Variants in GPR158 observed in about 807,000 individuals in gnomAD.
GPR158 encodes G protein-coupled receptor 158, also known as metabotropic glycine receptor.
A neutral mutation model predicts 78.2 loss-of-function variants in GPR158; 30 were observed. That is an observed-to-expected ratio of 0.38 (90% CI 0.29 to 0.52). The LOEUF (loss-of-function observed/expected upper bound fraction) is 0.52, where lower values mean the gene tolerates loss of function less well. GPR158 is among the 20% of genes least tolerant of loss of function. The pLI, the probability that GPR158 is intolerant of heterozygous loss-of-function variation, is 0.83. For missense variants in GPR158, 1,463 were observed against 1,523.5 expected (o/e 0.96, Z 0.66); for synonymous variants, 581 against 591.1 (o/e 0.98, Z 0.25).
intron 2 of GPR158, among the ~76,000 whole-genome samples, chr10:25,328,182 A>C (rs537589549): frequency 1.4e-5 from 2 of 143,304 alleles, no homozygotes; most frequent in South Asian, 2.2e-4. Flanking sequence ...AGAAATACAT[A>C]GATATATATA....
intron 4 of GPR158, among the ~76,000 whole-genome samples, chr10:25,444,441 T>A (rs1474518517): frequency 1.3e-5 from 2 of 150,948 alleles, no homozygotes; most frequent in African/African-American, 4.9e-5. Context: ...GTATGTGGTG[T>A]TTGAGTGTGA....
intron 2 of GPR158, among the ~76,000 whole-genome samples, chr10:25,368,541 T>C (rs1833934599): frequency 1.3e-5 from 2 of 151,802 alleles, no homozygotes; most frequent in Admixed American, 6.6e-5. Flanking sequence ...TGAGATACCA[T>C]CTGAACCAGT....
chr10:25,175,477 G>T lies in GPR158; in HGVS notation c.57G>T (p.Leu19Phe). 6.2e-7 allele frequency: 1 copy of T among 1,610,086 alleles called. No individual in the cohort carries two copies. Among genetic ancestry groups the T allele is most frequent in the South Asian group, 1.1e-5 (1 of 90,694 alleles). The stretch of plus-strand genomic sequence containing the variant: ...GCCTCCTGCTTGCTCAGCTGGGATT[G>T]GGAGCTGTTGGCGCCAGCCGCGACC... Reference protein sequence around the residue: ...LLCLLLAQLGLGAVGASRDPQ... With the variant: ...LLCLLLAQLGFGAVGASRDPQ... Residue 19 changes from leucine to phenylalanine, a missense_variant, in exon 1 of 11, where the codon TTG becomes TTT. By Grantham distance (22) the Leu-to-Phe change is conservative. Transcript: ENST00000376351. This position sits in a 1 kb window ranked among gnomAD's most constrained non-coding sequence, Gnocchi z 6.4.
intron 2 of GPR158, among the ~76,000 whole-genome samples, chr10:25,317,134 TC>T (rs1387953820): frequency 1.3e-5 from 2 of 151,928 alleles, no homozygotes; most frequent in Non-Finnish European, 2.9e-5. Context: ...AACCTCCACC[TC>T]CTGGGTTCAA....
intron 2 of GPR158, among the ~76,000 whole-genome samples, chr10:25,224,610 A>G (rs1213895358): frequency 6.6e-6 from 1 of 152,078 alleles, no homozygotes; most frequent in African/African-American, 2.4e-5. Context: ...TTAGTTTAAT[A>G]CTTAGTAATG....
Position 25,176,389 on chromosome 10 carries a change from T to C in GPR158, c.902+67T>C, listed in dbSNP as rs552041617. 2.9e-5 allele frequency: 36 copies of C among 1,250,600 alleles called. No homozygotes were observed. In the East Asian group the frequency reaches 8.1e-4, roughly 28 times the overall value. The allele number at this position is 1,250,600 out of a possible 1,614,324, so 77.5% of individuals were successfully genotyped here. On this transcript the variant is annotated intron_variant, in intron 1 of 10. Coordinates refer to ENST00000376351, the MANE Select transcript of GPR158 (RefSeq NM_020752.3). This position sits in a 1 kb window ranked among gnomAD's most constrained non-coding sequence, Gnocchi z 6.3. Reference sequence around the variant, plus strand: ...CTTTCCTTCCGGTCTTGTGGGTGGGTGCACGTGTGAGGAAGGAACCCTTGG... The same window carrying C: ...CTTTCCTTCCGGTCTTGTGGGTGGGCGCACGTGTGAGGAAGGAACCCTTGG...
chr10:25,535,550 TG>T (rs1259856872), intron 5 of GPR158, among the ~76,000 whole-genome samples: 31 of 152,214 alleles, frequency 2.0e-4, no homozygotes, highest in African/African-American at 7.2e-4. Context: ...ACCTGAGTAA[TG>T]GCTTGATTAC....
chr10:25,278,891 A>G (rs1854225135), intron 2 of GPR158, among the ~76,000 whole-genome samples: 1 of 151,940 alleles, frequency 6.6e-6, no homozygotes, highest in South Asian at 2.1e-4. Flanking sequence ...CTTCATAAAG[A>G]TAATAGAATA....
intron 2 of GPR158, among the ~76,000 whole-genome samples, chr10:25,230,952 C>T (rs757473465): frequency 1.3e-5 from 2 of 152,188 alleles, no homozygotes; most frequent in Middle Eastern, 3.4e-3. Context: ...GACTAGATAC[C>T]TCTAAATTTT....
intron 2 of GPR158, among the ~76,000 whole-genome samples, chr10:25,252,971 G>T (rs546213152): frequency 1.3e-5 from 2 of 152,070 alleles, no homozygotes; most frequent in African/African-American, 4.8e-5. Context: ...GCGAGATTCC[G>T]TGGGCGTAGG....
chr10:25,363,065 AG>A lies in GPR158; in HGVS notation c.1009-32844del, dbSNP rs1159725697. Among the ~76,000 whole-genome samples, 4 of 151,854 alleles carry A rather than the reference AG, an allele frequency of 2.6e-5. No individual in the cohort carries two copies. In the East Asian group the frequency reaches 7.8e-4, roughly 30 times the overall value. ...CCATTTGATTGTAGTCTCTTTAAGC[AG>A]GTTCTGAAAATTGATATCAAGAATC... On this transcript the variant is annotated intron_variant, in intron 2 of 10. Coordinates refer to ENST00000376351, the MANE Select transcript of GPR158 (RefSeq NM_020752.3).
At chr10:25,275,040 T>C (rs1663777416) in intron 2 of GPR158, among the ~76,000 whole-genome samples, 1 of 152,220 alleles carries the variant, frequency 6.6e-6, no homozygotes, top group Admixed American at 6.5e-5. Context: ...TATGCTACTT[T>C]TCATGATATT....
At chr10:25,457,751 G>T (rs1457968733) in intron 4 of GPR158, among the ~76,000 whole-genome samples, 1 of 152,096 alleles carries the variant, frequency 6.6e-6, no homozygotes, top group Non-Finnish European at 1.5e-5. Flanking sequence ...CTAAGTGAAG[G>T]GTATCCAAAA....
chr10:25,519,635 C>G (rs1212512580), intron 5 of GPR158, among the ~76,000 whole-genome samples: 10 of 143,664 alleles, frequency 7.0e-5, no homozygotes, highest in Non-Finnish European at 1.3e-4. Context: ...ACTTACGAAG[C>G]TTAGCTTGGC....
chr10:25,366,011 TTGAG>T (rs1198946556), intron 2 of GPR158, among the ~76,000 whole-genome samples: 4 of 151,742 alleles, frequency 2.6e-5, no homozygotes, highest in Admixed American at 2.6e-4. Flanking sequence ...TTGTTCAACA[TTGAG>T]TGATTAAAAG....
At position 25,371,983 on chromosome 10, in the gene GPR158, C is replaced by A. The variant is rs186615573; in HGVS notation, c.1009-23928C>A. Among the ~76,000 whole-genome samples, 141 of 151,610 alleles carry A rather than the reference C, an allele frequency of 9.3e-4. 1 individual carries two copies. Among genetic ancestry groups the A allele is most frequent in the Middle Eastern group, 6.8e-3 (2 of 294 alleles). On this transcript the variant is annotated intron_variant, in intron 2 of 10. Coordinates refer to ENST00000376351, the MANE Select transcript of GPR158 (RefSeq NM_020752.3). ...CTGACAAAGGGCTAATATCCAGAAT[C>A]TGCAATGAACTCAAATAAATTTACA...
intron 5 of GPR158, among the ~76,000 whole-genome samples, chr10:25,476,993 C>T (rs1365016566): frequency 6.6e-6 from 1 of 152,078 alleles, no homozygotes; most frequent in East Asian, 1.9e-4. Flanking sequence ...ATAAAAAAGG[C>T]AATTTTATGT....
rs1852535392 is a variant in GPR158, at chr10:25,176,471, A to G, written c.902+149A>G. ...AGAGACCCGGGCTGAGGGACACCCC[A>G]CGCGGGCGCGGGTGCTTGGGGGCAA... On this transcript the variant is annotated intron_variant, in intron 1 of 10. Coordinates refer to ENST00000376351, the MANE Select transcript of GPR158 (RefSeq NM_020752.3). This position sits in a 1 kb window ranked among gnomAD's most constrained non-coding sequence, Gnocchi z 6.3. The G allele has an allele frequency of 5.9e-6, 4 of 677,390 alleles. No homozygotes were observed. Among genetic ancestry groups the G allele is most frequent in the Non-Finnish European group, 9.4e-6 (4 of 426,124 alleles). 42.0% of individuals were successfully genotyped at this position (677,390 alleles called of 1,614,324 possible).
chr10:25,197,550 T>C (rs1469858289), intron 1 of GPR158, among the ~76,000 whole-genome samples: 1 of 152,310 alleles, frequency 6.6e-6, no homozygotes, highest in South Asian at 2.1e-4. Flanking sequence ...AAGATATATC[T>C]TTGCTTGAAA....
Sources: gnomAD v4.1 joint callset for allele counts (sites outside exome capture counted in the v4.1 genomes callset) on GRCh38, gnomAD v4.1.1 for gene constraint, Gnocchi (gnomAD v3.1) non-coding constraint, MANE v1.5 for transcripts, NCBI Gene and HGNC (gene_info 2026-07-23, HGNC 2026-07-21) for gene names.